DCDC2: variants seen among roughly 807,000 people sequenced by gnomAD.
The protein encoded by DCDC2 is doublecortin domain containing 2, also known as doublecortin domain-containing protein 2.
DCDC2 carries 40 observed loss-of-function variants against 50.2 expected under a neutral mutation model. That is an observed-to-expected ratio of 0.80 (90% CI 0.62 to 1.04). DCDC2 has a LOEUF of 1.04. Among genes scored for constraint, DCDC2 ranks in the 50% least tolerant of loss-of-function variants. DCDC2 has a pLI of 0.00. For missense variants in DCDC2, 570 were observed against 581.9 expected, an observed-to-expected ratio of 0.98 and a Z score of 0.21; for synonymous variants, 234 against 210.6, an observed-to-expected ratio of 1.11 and a Z score of -0.96.
At chr6:24,239,328 T>C (rs1337872316) in intron 7 of DCDC2, among the ~76,000 whole-genome samples, 1 of 152,170 alleles carries the variant, frequency 6.6e-6, no homozygotes, top group Admixed American at 6.5e-5. Context: ...AAGGTCCTCA[T>C]AGAAACACAC....
At chr6:24,250,331 G>C (rs1762771508) in intron 7 of DCDC2, among the ~76,000 whole-genome samples, 1 of 152,302 alleles carries the variant, frequency 6.6e-6, no homozygotes, top group East Asian at 1.9e-4. Context: ...AGCAGAAGGT[G>C]GCCTGGGTGC....
chr6:24,259,006 T>C (rs1216635206), intron 7 of DCDC2, among the ~76,000 whole-genome samples: 1 of 152,198 alleles, frequency 6.6e-6, no homozygotes, highest in Non-Finnish European at 1.5e-5. Context: ...AGGAATAGTC[T>C]TTCCTCGAAA....
chr6:24,310,712 T>A (rs1759555564), intron 2 of DCDC2, among the ~76,000 whole-genome samples: 2 of 152,198 alleles, frequency 1.3e-5, no homozygotes, highest in South Asian at 4.1e-4. Flanking sequence ...AAAACTAAGA[T>A]TTGTAAAAGT....
intron 1 of DCDC2, among the ~76,000 whole-genome samples, chr6:24,354,218 A>G (rs1280216320): frequency 5.3e-5 from 8 of 152,192 alleles, no homozygotes; most frequent in Admixed American, 2.6e-4. Flanking sequence ...ATCATTCTTT[A>G]GCTGTTACAT....
chr6:24,370,804 T>C, the DCDC2 span, among the ~76,000 whole-genome samples: 2 of 152,328 alleles, frequency 1.3e-5, no homozygotes, highest in East Asian at 3.9e-4. Flanking sequence ...TGAATGTTCA[T>C]AGAAGCATTA....
At chr6:24,203,793 A>G (rs1458334492) in intron 8 of DCDC2, among the ~76,000 whole-genome samples, 1 of 148,934 alleles carries the variant, frequency 6.7e-6, no homozygotes, top group Admixed American at 6.6e-5. Flanking sequence ...TTTACAAGAA[A>G]AAAAACAAAC....
intron 2 of DCDC2, among the ~76,000 whole-genome samples, chr6:24,329,263 C>T (rs928299887): frequency 2.6e-5 from 4 of 152,062 alleles, no homozygotes; most frequent in Admixed American, 6.6e-5. Flanking sequence ...ATAGCACAAC[C>T]GAAGGAGAAT....
At chr6:24,362,098 T>C (rs1380806847), upstream of DCDC2, among the ~76,000 whole-genome samples, 1 of 152,218 alleles carries the variant, frequency 6.6e-6, no homozygotes, top group Non-Finnish European at 1.5e-5. Context: ...CAGACTTGTG[T>C]AACTTTAAGA....
At chr6:24,292,091 T>C (rs1763764688) in intron 4 of DCDC2, among the ~76,000 whole-genome samples, 1 of 152,196 alleles carries the variant, frequency 6.6e-6, no homozygotes, top group Admixed American at 6.5e-5. Context: ...ACTGTAAAAC[T>C]GCTGCTACGA....
At chr6:24,205,130 C>T (rs1401057627) in intron 7 of DCDC2, 28 bp from the exon 8 acceptor site, 8 of 1,614,130 alleles carry the variant, frequency 5.0e-6, no homozygotes, top group Non-Finnish European at 6.8e-6. Flanking sequence ...CAGTGAAAAT[C>T]AAAATCCAAT....
At chr6:24,278,959 C>A (rs807723) in intron 6 of DCDC2, among the ~76,000 whole-genome samples, 109,371 of 152,012 alleles carry the variant, frequency 0.72, 40,814 homozygotes, top group East Asian at 0.95. Context: ...AGCTGCGCAG[C>A]TGCTTGCCCC....
rs1043056099 is a variant in DCDC2, at chr6:24,256,224, G to T, written c.922+21825C>A. ...TCAGAATCAAGGTTTTCTTCCTGGG[G>T]TGATATCTAGACTAAAGATGCAGAG... On this transcript the variant is annotated intron_variant, in intron 7 of 9. Coordinates refer to ENST00000378454, the MANE Select transcript of DCDC2 (RefSeq NM_016356.5). Among the ~76,000 whole-genome samples, 6 of 150,990 alleles carry T rather than the reference G, an allele frequency of 4.0e-5. No individual in the cohort carries two copies. In the East Asian group the frequency reaches 1.2e-3, roughly 29 times the overall value.
In DCDC2 at chr6:24,178,459, T is replaced by C; in HGVS notation, c.1197A>G (p.Ala399=). The part of the protein sequence containing the change: ...EEILDHSEQQ[A]RPARVNGGTD... ...TGCCTCCATTTACACGAGCAGGGCG[T>C]GCCTGCTGCTCACTGTGATCCAGAA... The change falls in exon 9 of 10, where the codon GCA becomes GCG. Residue 399 remains alanine (A), a synonymous_variant. Coordinates refer to ENST00000378454, the MANE Select transcript of DCDC2 (RefSeq NM_016356.5). 6.2e-7 allele frequency: 1 copy of C among 1,614,182 alleles called. No individual in the cohort carries two copies.
At position 24,172,568 on chromosome 6, in the gene DCDC2, T is replaced by C. The variant is rs995849448; in HGVS notation, c.*2162A>G. ...AGAGGAGGAAAAGAGAAAGAGAAAC[T>C]CTCCATTGAAGAAACAAAAGAGAAT... On this transcript the variant is annotated 3_prime_UTR_variant, in exon 10 of 10. Coordinates refer to ENST00000378454, the MANE Select transcript of DCDC2 (RefSeq NM_016356.5). 4 of 152,068 alleles carry C rather than the reference T, an allele frequency of 2.6e-5. No individual in the cohort carries two copies. The highest frequency in any genetic ancestry group is 2.0e-4 in the Admixed American group (3 of 15,272). The allele number at this position is 152,068 out of a possible 1,614,324, so 9.4% of individuals were successfully genotyped here.
At chr6:24,213,060 A>T (rs1328914718) in intron 7 of DCDC2, among the ~76,000 whole-genome samples, 1 of 152,184 alleles carries the variant, frequency 6.6e-6, no homozygotes, top group East Asian at 1.9e-4. Flanking sequence ...GTTACCCAAT[A>T]ATTAATGATA....
At chr6:24,278,605 G>C (rs955572779) in intron 6 of DCDC2, among the ~76,000 whole-genome samples, 1 of 152,130 alleles carries the variant, frequency 6.6e-6, no homozygotes, top group Non-Finnish European at 1.5e-5. Flanking sequence ...GTAAGATCCT[G>C]TAGCCAGTCA....
chr6:24,201,865 T>C (rs1761596066), intron 8 of DCDC2, among the ~76,000 whole-genome samples: 1 of 152,118 alleles, frequency 6.6e-6, no homozygotes, highest in African/African-American at 2.4e-5. Context: ...TGAACACCTC[T>C]ATGCAAATAA....
chr6:24,349,391 A>G (rs1760322867), intron 2 of DCDC2, among the ~76,000 whole-genome samples: 2 of 152,224 alleles, frequency 1.3e-5, no homozygotes, highest in Admixed American at 1.3e-4. Context: ...GCATTCAATA[A>G]CATGGAAGCA....
intron 4 of DCDC2, among the ~76,000 whole-genome samples, chr6:24,300,988 C>T (rs988995452): frequency 2.6e-5 from 4 of 151,890 alleles, no homozygotes; most frequent in African/African-American, 7.3e-5. Context: ...CTAATACTTC[C>T]TGATATCTGA....
Sources: allele counts gnomAD v4.1 joint callset (sites outside exome capture counted in the v4.1 genomes callset), GRCh38; gene constraint gnomAD v4.1.1; transcripts MANE v1.5; gene names NCBI Gene and HGNC (gene_info 2026-07-23, HGNC 2026-07-21).